The following MDN1 variants were observed in gnomAD, a reference collection of about 807,000 sequenced individuals.
The protein encoded by MDN1 is midasin.
MDN1 carries 266 observed loss-of-function variants against 669.2 expected under a neutral mutation model. The observed-to-expected ratio is 0.40, with a 90% confidence interval of 0.36 to 0.44. MDN1 has a LOEUF of 0.44. MDN1 is among the 20% of genes least tolerant of loss of function. MDN1 has a pLI of 1.00. For missense variants in MDN1, 5,940 were observed against 6,754.0 expected, an observed-to-expected ratio of 0.88 and a Z score of 4.22; for synonymous variants, 2,385 against 2,457.1, an observed-to-expected ratio of 0.97 and a Z score of 0.87.
intron 2 of MDN1, 27 bp downstream of exon 2, chr6:89,803,301 A>T (rs2128329201): frequency 6.3e-7 from 1 of 1,593,686 alleles, no homozygotes; most frequent in African/African-American, 1.3e-5. Flanking sequence ...CTCAAGGAGA[A>T]ATGCGAATAA....
Position 89,700,164 on chromosome 6 carries a change from G to A in MDN1, c.8769C>T (p.His2923=). The change falls in exon 57 of 102, where the codon CAC becomes CAT. Residue 2923 remains histidine (H), a synonymous_variant. Coordinates refer to ENST00000369393, the MANE Select transcript of MDN1 (RefSeq NM_014611.3). Reference sequence around the variant, plus strand: ...GCCACAACTGAACACTCCTGGTGAGGTGGATTACGGAGGTCAAGTCTGGAT... The same window carrying A: ...GCCACAACTGAACACTCCTGGTGAGATGGATTACGGAGGTCAAGTCTGGAT... ...LSHPDLTSVI[H]LTRSVQLWPA... 2 of 1,614,206 alleles carry A rather than the reference G, an allele frequency of 1.2e-6. No homozygotes were observed. Among genetic ancestry groups the A allele is most frequent in the Admixed American group, 1.7e-5 (1 of 60,022 alleles).
At position 89,712,701 on chromosome 6, in the gene MDN1, C is replaced by T; in HGVS notation, c.7304G>A (p.Trp2435Ter). 1 of 1,614,146 alleles carries T rather than the reference C, an allele frequency of 6.2e-7. No homozygotes were observed. The highest frequency in any genetic ancestry group is 8.5e-7 in the Non-Finnish European group (1 of 1,180,014). The change falls in exon 48 of 102, where the codon TGG becomes TAG. Residue 2435 changes from tryptophan to a stop codon, truncating the protein, a stop_gained. Transcript: ENST00000369393. LOFTEE classifies it high-confidence loss of function. ...WGDSILGMGL[W>*]PDSVPSALFA... The stretch of plus-strand genomic sequence containing the variant: ...GAGAGCTGAGGGCACAGAATCTGGC[C>T]ACAGTCCCATGCCAAGAATGGAGTC...
At chr6:89,675,643 C>A (rs1811129707) in intron 77 of MDN1, 64 bp from the exon 78 acceptor site, 2 of 1,393,936 alleles carry the variant, frequency 1.4e-6, no homozygotes, top group Non-Finnish European at 2.0e-6. Context: ...AGATGTGCCT[C>A]TAGAAAGCTG....
chr6:89,717,216 T>G (rs1814435144), intron 43 of MDN1, among the ~76,000 whole-genome samples: 2 of 152,260 alleles, frequency 1.3e-5, no homozygotes, highest in Non-Finnish European at 2.9e-5. Context: ...TAGTAATAAC[T>G]GGTAATTACT....
chr6:89,736,872 A>T (rs1434128092), intron 33 of MDN1, among the ~76,000 whole-genome samples: 1 of 152,192 alleles, frequency 6.6e-6, no homozygotes. Flanking sequence ...CAAACAGCAC[A>T]CAAGAGTCAT....
chr6:89,713,692 T>G (rs759520141), intron 46 of MDN1, among the ~76,000 whole-genome samples: 45 of 152,164 alleles, frequency 3.0e-4, no homozygotes, highest in Non-Finnish European at 4.9e-4. Context: ...ACTGATAAAT[T>G]ACTCAAACTC....
chr6:89,671,791 T>C (rs1318193233), intron 82 of MDN1, among the ~76,000 whole-genome samples: 1 of 152,262 alleles, frequency 6.6e-6, no homozygotes, highest in Non-Finnish European at 1.5e-5. Flanking sequence ...GCAAAGTAAG[T>C]TGCTTCTCTG....
At chr6:89,680,813 G>A (rs908007370) in intron 73 of MDN1, 62 bp from the exon 74 acceptor site, 1 of 1,555,536 alleles carries the variant, frequency 6.4e-7, no homozygotes, top group Non-Finnish European at 8.7e-7. Flanking sequence ...CCCTGCAAGG[G>A]AACTAAATTT....
At chr6:89,789,600 C>T (rs1410757884) in intron 7 of MDN1, among the ~76,000 whole-genome samples, 180 bp downstream of exon 7, 1 of 152,162 alleles carries the variant, frequency 6.6e-6, no homozygotes, top group African/African-American at 2.4e-5. Flanking sequence ...AAACAAGAAA[C>T]CAGTCAAGTA....
chr6:89,732,756 C>T lies in MDN1; in HGVS notation c.4743G>A (p.Val1581=), dbSNP rs1815684311. The change falls in exon 34 of 102, where the codon GTG becomes GTA. Residue 1581 remains valine, a synonymous_variant. Coordinates refer to ENST00000369393, the MANE Select transcript of MDN1 (RefSeq NM_014611.3). ...IDPKGSDIPE[V]MLDFIDWLTH... The stretch of plus-strand genomic sequence containing the variant: ...TCAGCCAGTCAATGAAATCCAGCAT[C>T]ACTTCAGGTATGTCAGACCCTAAAC... The T allele has an allele frequency of 6.2e-7, 1 of 1,614,118 alleles. No homozygotes were observed. The highest frequency in any genetic ancestry group is 1.7e-5 in the Admixed American group (1 of 60,008).
At chr6:89,707,570 G>A in intron 51 of MDN1, 94 bp from the exon 52 acceptor site, 1 of 813,370 alleles carries the variant, frequency 1.2e-6, no homozygotes, top group Admixed American at 2.0e-5. Flanking sequence ...GAACATCAGG[G>A]TCCTTCATCC....
At chr6:89,676,525 C>T (rs1266401617) in intron 76 of MDN1, among the ~76,000 whole-genome samples, 1 of 152,122 alleles carries the variant, frequency 6.6e-6, no homozygotes, top group East Asian at 1.9e-4. Flanking sequence ...CTAAGGACAG[C>T]CAAGCATACA....
intron 3 of MDN1, 100 bp downstream of exon 3, chr6:89,794,477 A>G (rs1464765379): frequency 6.6e-6 from 8 of 1,204,586 alleles, no homozygotes; most frequent in African/African-American, 3.1e-5. Flanking sequence ...AAAAATAACA[A>G]ATTTTAAATG....
In MDN1 at chr6:89,743,586, G is replaced by C; in HGVS notation, c.4307C>G (p.Pro1436Arg). Reference sequence around the variant, plus strand: ...TGCTGCTGGACAAACCTTGTCGTTTGGCTTTTGTCTCACTGGCCGCAGGCC... The same window carrying C: ...TGCTGCTGGACAAACCTTGTCGTTTCGCTTTTGTCTCACTGGCCGCAGGCC... ...LGGLRPVRQK[P>R]NDKEEIDTSR... The change falls in exon 30 of 102, where the codon CCA (proline) becomes CGA (arginine). Residue 1436 changes from proline (P) to arginine (R), a missense_variant. Transcript: ENST00000369393. 6.2e-7 allele frequency: 1 copy of C among 1,613,458 alleles called. No individual in the cohort carries two copies. The highest frequency in any genetic ancestry group is 1.7e-5 in the Admixed American group (1 of 59,852).
At chr6:89,777,449 G>C (rs1818408815) in intron 11 of MDN1, among the ~76,000 whole-genome samples, 1 of 152,156 alleles carries the variant, frequency 6.6e-6, no homozygotes, top group African/African-American at 2.4e-5. Context: ...TTAGTTTATA[G>C]TTTAACTTGG....
chr6:89,815,656 G>C (rs1435650434), intron 1 of MDN1, among the ~76,000 whole-genome samples: 1 of 152,180 alleles, frequency 6.6e-6, no homozygotes, highest in Non-Finnish European at 1.5e-5. Flanking sequence ...ACTCCCCAAG[G>C]GGACTCTTGG....
intron 13 of MDN1, 60 bp downstream of exon 13, chr6:89,774,561 A>C: frequency 8.2e-7 from 1 of 1,226,218 alleles, no homozygotes; most frequent in Admixed American, 1.7e-5. Flanking sequence ...GCTGAGCTAG[A>C]CCTTCTGTCA....
intron 20 of MDN1, among the ~76,000 whole-genome samples, chr6:89,755,822 G>C (rs1310308848): frequency 6.6e-6 from 1 of 152,154 alleles, no homozygotes; most frequent in South Asian, 2.1e-4. Context: ...CACAAGCCAC[G>C]TAACTACTCT....
At chr6:89,774,056 C>T (rs542375571) in intron 13 of MDN1, among the ~76,000 whole-genome samples, 1 of 151,948 alleles carries the variant, frequency 6.6e-6, no homozygotes, top group Non-Finnish European at 1.5e-5. Context: ...GAGGGAGGAG[C>T]ATGGCCCTGT....
Sources: gnomAD v4.1 joint callset for allele counts (sites outside exome capture counted in the v4.1 genomes callset) on GRCh38, gnomAD v4.1.1 for gene constraint, MANE v1.5 for transcripts, NCBI Gene and HGNC (gene_info 2026-07-23, HGNC 2026-07-21) for gene names.